Variants in ADCK1 observed in about 807,000 individuals in gnomAD.
ADCK1 encodes aarF domain containing kinase 1, also known as aarF domain-containing protein kinase 1.
Under a neutral mutation model 52.3 loss-of-function variants are expected in ADCK1, and 41 were observed. The ratio of observed to expected loss-of-function variants is 0.78; its 90% CI spans 0.61 to 1.02. The LOEUF (loss-of-function observed/expected upper bound fraction) is 1.02, where lower values mean the gene tolerates loss of function less well. Among genes scored for constraint, ADCK1 ranks in the 50% least tolerant of loss-of-function variants. The probability of loss-of-function intolerance (pLI) is 0.00; values close to 1 mark genes in which losing one functional copy is unlikely to be tolerated. For synonymous variants in ADCK1, 250 were observed against 274.6 expected (o/e 0.91, Z 0.89); for missense variants, 658 against 679.5 (o/e 0.97, Z 0.35).
chr14:77,926,358 G>C lies in ADCK1; in HGVS notation c.1206+397G>C, dbSNP rs990536508. Among the ~76,000 whole-genome samples the C allele has an allele frequency of 2.4e-4, 37 of 152,218 alleles. 1 individual carries two copies. The highest frequency in any genetic ancestry group is 2.4e-3 in the Admixed American group (37 of 15,280). On this transcript the variant is annotated intron_variant, in intron 9 of 10. Transcript: ENST00000238561. ...AAATAAATCTGGCAGTACTTCTGCT[G>C]TGTCCTGCCTGGCACTGTCTCCCAT...
chr14:77,858,452 G>T (rs1429732779), intron 3 of ADCK1, among the ~76,000 whole-genome samples: 1 of 151,980 alleles, frequency 6.6e-6, no homozygotes, highest in Non-Finnish European at 1.5e-5. Context: ...ATCTTGGCCA[G>T]GCTGGTCTTG....
chr14:77,873,194 G>T (rs888156295), intron 4 of ADCK1, among the ~76,000 whole-genome samples: 1 of 152,150 alleles, frequency 6.6e-6, no homozygotes, highest in Admixed American at 6.5e-5. Context: ...AGAGGGAGCC[G>T]AGCCCTCCAT....
chr14:77,810,135 T>C (rs1300291699), intron 1 of ADCK1, among the ~76,000 whole-genome samples: 1 of 152,062 alleles, frequency 6.6e-6, no homozygotes, highest in Non-Finnish European at 1.5e-5. Context: ...TTTTTTTTTC[T>C]TGAGTCTTGC....
chr14:77,906,680 A>G (rs556296835), intron 6 of ADCK1, among the ~76,000 whole-genome samples: 2 of 152,124 alleles, frequency 1.3e-5, no homozygotes, highest in Non-Finnish European at 2.9e-5. Context: ...AAATTTTTTT[A>G]TTTTTCCTCA....
At chr14:77,826,829 T>C (rs933141739) in intron 3 of ADCK1, among the ~76,000 whole-genome samples, 4 of 152,158 alleles carry the variant, frequency 2.6e-5, no homozygotes, top group African/African-American at 9.7e-5. Context: ...ACCCCACCCT[T>C]ATTAGCCAGG....
chr14:77,838,534 A>G (rs1174024885), intron 3 of ADCK1, among the ~76,000 whole-genome samples: 1 of 152,120 alleles, frequency 6.6e-6, no homozygotes, highest in Non-Finnish European at 1.5e-5. Context: ...GTACCTGGGA[A>G]TACAGGCACG....
At chr14:77,911,067 A>G (rs2083780306) in intron 7 of ADCK1, among the ~76,000 whole-genome samples, 1 of 152,228 alleles carries the variant, frequency 6.6e-6, no homozygotes, top group African/African-American at 2.4e-5. Context: ...AACAATAACT[A>G]ATAATAATTA....
chr14:77,825,912 A>G (rs1326639675), intron 3 of ADCK1, among the ~76,000 whole-genome samples: 2 of 152,196 alleles, frequency 1.3e-5, no homozygotes, highest in Non-Finnish European at 2.9e-5. Context: ...CCACTGGTGT[A>G]ACATTCTACG....
At chr14:77,860,258 A>G (rs2082515023) in intron 4 of ADCK1, among the ~76,000 whole-genome samples, 1 of 152,232 alleles carries the variant, frequency 6.6e-6, no homozygotes, top group Non-Finnish European at 1.5e-5. Context: ...GAAGACCATG[A>G]CAGTCCTTTT....
intron 4 of ADCK1, among the ~76,000 whole-genome samples, chr14:77,874,653 A>G (rs917921693): frequency 3.3e-5 from 5 of 150,986 alleles, no homozygotes; most frequent in South Asian, 2.1e-4. Context: ...GGCTTCACCA[A>G]TCATTTGTGT....
chr14:77,858,948 G>A (rs1362513934), intron 3 of ADCK1, 128 bp from the exon 4 acceptor site: 2 of 810,602 alleles, frequency 2.5e-6, no homozygotes, highest in Non-Finnish European at 3.9e-6. Flanking sequence ...GTGCGTGTGT[G>A]TGCATGCATC....
chr14:77,818,923 A>G, intron 1 of ADCK1, 45 bp from the exon 2 acceptor site: 2 of 1,600,624 alleles, frequency 1.2e-6, no homozygotes, highest in Non-Finnish European at 1.7e-6. Flanking sequence ...ACTAACTATG[A>G]AACTTTTAAC....
intron 7 of ADCK1, 38 bp downstream of exon 7, chr14:77,907,957 G>C (rs768309292): frequency 6.3e-7 from 1 of 1,584,912 alleles, no homozygotes; most frequent in South Asian, 1.1e-5. Flanking sequence ...GCCGGGGAAC[G>C]TGGGCTTGGT....
At chr14:77,834,466 C>T (rs1470193304) in intron 3 of ADCK1, among the ~76,000 whole-genome samples, 5 of 152,196 alleles carry the variant, frequency 3.3e-5, no homozygotes, top group South Asian at 2.1e-4. Context: ...ACTCTCTTTC[C>T]GGCTCTTCTC....
chr14:77,821,989 A>G (rs2081593528), intron 2 of ADCK1, among the ~76,000 whole-genome samples: 1 of 152,114 alleles, frequency 6.6e-6, no homozygotes, highest in Admixed American at 6.6e-5. Flanking sequence ...TTTATGTAAC[A>G]ACTTTATTCA....
intron 3 of ADCK1, among the ~76,000 whole-genome samples, chr14:77,833,431 A>C (rs1002551971): frequency 1.3e-5 from 2 of 152,044 alleles, no homozygotes; most frequent in African/African-American, 4.8e-5. Context: ...AATCCTTGCT[A>C]TCTTGGTGAC....
intron 7 of ADCK1, among the ~76,000 whole-genome samples, chr14:77,919,395 T>C (rs2083997994): frequency 6.6e-6 from 1 of 152,246 alleles, no homozygotes; most frequent in Non-Finnish European, 1.5e-5. Context: ...CAATTCCATC[T>C]ACGTTGCTGC....
chr14:77,897,559 A>G (rs560738119), intron 5 of ADCK1, among the ~76,000 whole-genome samples: 1 of 152,242 alleles, frequency 6.6e-6, no homozygotes, highest in African/African-American at 2.4e-5. Flanking sequence ...CCCCCTCTTA[A>G]CATGTCATCA....
intron 4 of ADCK1, among the ~76,000 whole-genome samples, chr14:77,862,330 C>A (rs1020830219): frequency 3.3e-5 from 5 of 152,110 alleles, no homozygotes; most frequent in Non-Finnish European, 7.4e-5. Context: ...AGCCTTGGTC[C>A]CCTTGACTGC....
Sources: allele counts gnomAD v4.1 joint callset (sites outside exome capture counted in the v4.1 genomes callset), GRCh38; gene constraint gnomAD v4.1.1; transcripts MANE v1.5; gene names NCBI Gene and HGNC (gene_info 2026-07-23, HGNC 2026-07-21).